MACROD2: variants seen among roughly 807,000 people sequenced by gnomAD.
MACROD2 encodes mono-ADP ribosylhydrolase 2, also known as ADP-ribose glycohydrolase MACROD2.
Under a neutral mutation model 70.4 loss-of-function variants are expected in MACROD2, and 36 were observed. The observed-to-expected ratio is 0.51, with a 90% CI of 0.39 to 0.68. MACROD2 has a LOEUF of 0.68. Among genes scored for constraint, MACROD2 ranks in the 30% least tolerant of loss-of-function variants. The pLI, the probability that MACROD2 is intolerant of heterozygous loss-of-function variation, is 0.00. For missense variants in MACROD2, 496 were observed against 538.4 expected (o/e 0.92, Z 0.78); for synonymous variants, 172 against 178.8 (o/e 0.96, Z 0.30).
intron 8 of MACROD2, among the ~76,000 whole-genome samples, chr20:15,707,704 A>G (rs1426902348): frequency 6.6e-6 from 1 of 151,950 alleles, no homozygotes; most frequent in African/African-American, 2.4e-5. Flanking sequence ...AATCACTTGA[A>G]CCTGGGAGGC....
intron 7 of MACROD2, among the ~76,000 whole-genome samples, chr20:15,456,907 G>A (rs1414131660): frequency 6.6e-6 from 1 of 151,980 alleles, no homozygotes; most frequent in African/African-American, 2.4e-5. Context: ...GTCCCTTCAT[G>A]GGCTTTATAG....
intron 5 of MACROD2, among the ~76,000 whole-genome samples, chr20:14,895,783 G>T (rs901358982): frequency 2.0e-5 from 3 of 152,038 alleles, no homozygotes; most frequent in African/African-American, 7.2e-5. Flanking sequence ...TATTATCTCA[G>T]GTTAGGTTCC....
intron 3 of MACROD2, among the ~76,000 whole-genome samples, chr20:14,294,857 A>G (rs922183191): frequency 6.6e-6 from 1 of 151,594 alleles, no homozygotes; most frequent in Non-Finnish European, 1.5e-5. Context: ...TGAGTAAGCA[A>G]GTTTTCTTTT....
chr20:14,061,469 G>A (rs1457596764), intron 2 of MACROD2, among the ~76,000 whole-genome samples: 1 of 152,046 alleles, frequency 6.6e-6, no homozygotes, highest in Non-Finnish European at 1.5e-5. Flanking sequence ...ATATATTTAT[G>A]GTTTCACATA....
At chr20:14,092,226 CATT>C (rs1328152807) in intron 3 of MACROD2, among the ~76,000 whole-genome samples, 10 of 151,992 alleles carry the variant, frequency 6.6e-5, no homozygotes, top group African/African-American at 2.2e-4. Context: ...TCAGCATCAT[CATT>C]ATTTTAATTT....
At chr20:15,067,189 T>A (rs2075583623) in intron 5 of MACROD2, among the ~76,000 whole-genome samples, 1 of 152,200 alleles carries the variant, frequency 6.6e-6, no homozygotes. Context: ...CAACAAATGC[T>A]CAAATTCATT....
intron 15 of MACROD2, among the ~76,000 whole-genome samples, chr20:16,040,854 C>G (rs1294564245): frequency 6.6e-6 from 1 of 151,974 alleles, no homozygotes; most frequent in Non-Finnish European, 1.5e-5. Flanking sequence ...TACATAAACT[C>G]TCTCTCACAC....
intron 2 of MACROD2, among the ~76,000 whole-genome samples, chr20:14,041,072 A>G (rs2148639980): frequency 6.6e-6 from 1 of 152,288 alleles, no homozygotes; most frequent in Middle Eastern, 3.4e-3. Context: ...GAGTTTCCTG[A>G]TTTGTCACTA....
At chr20:14,121,617 C>CCT (rs2054590148) in intron 3 of MACROD2, among the ~76,000 whole-genome samples, 1 of 152,062 alleles carries the variant, frequency 6.6e-6, no homozygotes, top group African/African-American at 2.4e-5. Flanking sequence ...GTAACCAAAA[C>CCT]CTCTATAAGT....
chr20:14,647,526 C>A (rs2123503621), intron 4 of MACROD2, among the ~76,000 whole-genome samples: 1 of 152,204 alleles, frequency 6.6e-6, no homozygotes, highest in Non-Finnish European at 1.5e-5. Context: ...AACACCATCT[C>A]AGTCTCAGTA....
chr20:15,725,315 T>C (rs1458150485), intron 8 of MACROD2, among the ~76,000 whole-genome samples: 1 of 152,180 alleles, frequency 6.6e-6, no homozygotes, highest in Non-Finnish European at 1.5e-5. Flanking sequence ...TTGTTAGATT[T>C]ATATCTAAGT....
At chr20:14,873,345 C>A (rs1328256262) in intron 5 of MACROD2, among the ~76,000 whole-genome samples, 1 of 152,044 alleles carries the variant, frequency 6.6e-6, no homozygotes, top group Admixed American at 6.6e-5. Flanking sequence ...TGTCTGTCTG[C>A]AACTACAGTC....
intron 5 of MACROD2, among the ~76,000 whole-genome samples, chr20:15,155,255 T>C (rs752892292): frequency 4.0e-4 from 61 of 152,160 alleles, no homozygotes; most frequent in Non-Finnish European, 4.7e-4. Context: ...CCTCTTTCCC[T>C]ACAGAAAACT....
At chr20:14,050,448 C>T (rs2053549495) in intron 2 of MACROD2, among the ~76,000 whole-genome samples, 4 of 152,110 alleles carry the variant, frequency 2.6e-5, no homozygotes, top group Admixed American at 6.6e-5. Flanking sequence ...ATGTTTTGCC[C>T]GCATTGAGCC....
chr20:15,772,101 A>AAAAAAAAAAAAAAAATATATATAT (rs1555777716), intron 8 of MACROD2, among the ~76,000 whole-genome samples: 1 of 91,426 alleles, frequency 1.1e-5, no homozygotes, highest in East Asian at 5.1e-4. Context: ...AAAAAAAAAA[A>AAAAAAAAAAAAAAAATATATATAT]ATATATATAT....
intron 8 of MACROD2, among the ~76,000 whole-genome samples, chr20:15,673,060 C>T (rs2050004730): frequency 6.6e-6 from 1 of 152,184 alleles, no homozygotes; most frequent in Non-Finnish European, 1.5e-5. Flanking sequence ...CATTAAACCT[C>T]TTTCTTTTAT....
intron 2 of MACROD2, among the ~76,000 whole-genome samples, chr20:14,074,914 C>A (rs2148663040): frequency 6.6e-6 from 1 of 152,292 alleles, no homozygotes; most frequent in East Asian, 1.9e-4. Flanking sequence ...CTATCTACTC[C>A]ATCCTTCCTG....
At chr20:14,582,353 C>T (rs978556304) in intron 4 of MACROD2, among the ~76,000 whole-genome samples, 2 of 152,058 alleles carry the variant, frequency 1.3e-5, no homozygotes. Flanking sequence ...GCCCTATCCC[C>T]ATGTTATCTG....
intron 5 of MACROD2, among the ~76,000 whole-genome samples, chr20:15,075,504 T>A (rs560062195): frequency 6.6e-6 from 1 of 152,272 alleles, no homozygotes; most frequent in Non-Finnish European, 1.5e-5. Context: ...TCAGGGCTGT[T>A]TAAATCAGTT....
Sources: allele counts gnomAD v4.1 joint callset (sites outside exome capture counted in the v4.1 genomes callset), GRCh38; gene constraint gnomAD v4.1.1; transcripts MANE v1.5; gene names NCBI Gene and HGNC (gene_info 2026-07-23, HGNC 2026-07-21).